The following NHLRC2 variants were observed in gnomAD, a reference collection of about 807,000 sequenced individuals.
NHLRC2 encodes NHL repeat-containing protein 2.
In NHLRC2, 33 loss-of-function variants were observed where a neutral mutation model predicts 68.1. That is an observed-to-expected ratio of 0.48 (90% CI 0.37 to 0.65). The LOEUF is 0.65. Ranked by LOEUF, NHLRC2 falls within the 30% of genes least tolerant of loss-of-function variation. The pLI is 0.00. For missense variants in NHLRC2, 761 were observed against 853.8 expected, an observed-to-expected ratio of 0.89 and a Z score of 1.35; for synonymous variants, 311 against 309.6, an observed-to-expected ratio of 1.00 and a Z score of -0.05.
chr10:113,875,438 G>A (rs1344702517), intron 2 of NHLRC2, among the ~76,000 whole-genome samples: 2 of 152,110 alleles, frequency 1.3e-5, no homozygotes, highest in Non-Finnish European at 2.9e-5. Context: ...CTCCCACACT[G>A]TCCAGGTTAT....
At chr10:113,864,004 G>A (rs769883509) in intron 2 of NHLRC2, among the ~76,000 whole-genome samples, 33 of 152,190 alleles carry the variant, frequency 2.2e-4, no homozygotes, top group Admixed American at 7.9e-4. Flanking sequence ...TTGATGGATC[G>A]TGGGTGAGGA....
In NHLRC2 at chr10:113,903,598, C is replaced by T; in HGVS notation, c.1566C>T (p.Thr522=). 3 of 1,612,442 alleles carry T rather than the reference C, an allele frequency of 1.9e-6. No homozygotes were observed. Among genetic ancestry groups the T allele is most frequent in the Non-Finnish European group, 2.5e-6 (3 of 1,178,734 alleles). The change falls in exon 9 of 11, where the codon ACC becomes ACT. Residue 522 remains threonine, a synonymous_variant. Transcript: ENST00000369301. ...GAACTGGAGACACAAATAATGTTAC[C>T]AGTTCCAGTTTTACAGAGTCAACTT... ...LAGTGDTNNV[T]SSSFTESTFN...
At chr10:113,859,420 G>A (rs1845794835) in intron 2 of NHLRC2, among the ~76,000 whole-genome samples, 1 of 152,102 alleles carries the variant, frequency 6.6e-6, no homozygotes, top group South Asian at 2.1e-4. Context: ...TAGGGTCACC[G>A]ATCCTGTGTT....
intron 2 of NHLRC2, among the ~76,000 whole-genome samples, chr10:113,864,642 A>C (rs1406515902): frequency 6.6e-6 from 1 of 150,528 alleles, no homozygotes; most frequent in African/African-American, 2.4e-5. Flanking sequence ...GATTGCAGTG[A>C]GCTGAGATTG....
chr10:113,902,854 T>G (rs1271394669), intron 8 of NHLRC2, among the ~76,000 whole-genome samples: 1 of 152,238 alleles, frequency 6.6e-6, no homozygotes, highest in African/African-American at 2.4e-5. Context: ...CCATCAAAGC[T>G]GCTTAGTAAC....
intron 2 of NHLRC2, among the ~76,000 whole-genome samples, chr10:113,866,337 G>A (rs1410441585): frequency 6.6e-6 from 1 of 152,126 alleles, no homozygotes; most frequent in Admixed American, 6.5e-5. Context: ...AACTGCAAGT[G>A]ATATTTTACC....
chr10:113,886,327 G>T (rs1846082273), intron 5 of NHLRC2, among the ~76,000 whole-genome samples: 1 of 152,106 alleles, frequency 6.6e-6, no homozygotes, highest in South Asian at 2.1e-4. Flanking sequence ...CCATTATACA[G>T]ATTCAGTGTA....
intron 1 of NHLRC2, among the ~76,000 whole-genome samples, chr10:113,855,550 C>T (rs1406025560): frequency 1.3e-5 from 2 of 152,128 alleles, no homozygotes; most frequent in Non-Finnish European, 2.9e-5. Flanking sequence ...TCACTGCAAC[C>T]TCCGCCTCCC....
intron 5 of NHLRC2, among the ~76,000 whole-genome samples, chr10:113,893,412 C>A (rs945092270): frequency 6.6e-6 from 1 of 152,104 alleles, no homozygotes; most frequent in Non-Finnish European, 1.5e-5. Context: ...AATTATTTAG[C>A]CTCTTTGAAG....
At chr10:113,877,273 A>G (rs185355588) in intron 3 of NHLRC2, among the ~76,000 whole-genome samples, 4 of 149,600 alleles carry the variant, frequency 2.7e-5, no homozygotes, top group African/African-American at 7.4e-5. Flanking sequence ...AAACTGCTGT[A>G]CTTACTGTTT....
chr10:113,871,103 C>A (rs1845920503), intron 2 of NHLRC2, among the ~76,000 whole-genome samples: 2 of 147,148 alleles, frequency 1.4e-5, no homozygotes, highest in South Asian at 4.3e-4. Flanking sequence ...CGGTTCACCG[C>A]AACGTTTGCC....
At chr10:113,890,524 G>T (rs575994762) in intron 5 of NHLRC2, among the ~76,000 whole-genome samples, 1 of 152,146 alleles carries the variant, frequency 6.6e-6, no homozygotes, top group South Asian at 2.1e-4. Context: ...TTATTGTCAA[G>T]AAATTCTCAC....
At chr10:113,882,819 A>C (rs1305825513) in intron 4 of NHLRC2, among the ~76,000 whole-genome samples, 1 of 151,776 alleles carries the variant, frequency 6.6e-6, no homozygotes, top group African/African-American at 2.4e-5. Context: ...TCTTTTAGTT[A>C]TGGCTCTTAT....
chr10:113,872,679 A>G (rs1217021321), intron 2 of NHLRC2, among the ~76,000 whole-genome samples: 6 of 152,082 alleles, frequency 3.9e-5, no homozygotes, highest in Middle Eastern at 3.4e-3. Context: ...ACTAAATTTG[A>G]CCAAGGGACA....
chr10:113,914,030 CT>C lies in NHLRC2; in HGVS notation c.*5498del. The C allele has an allele frequency of 6.6e-6, 1 of 151,784 alleles. No homozygotes were observed. Among genetic ancestry groups the C allele is most frequent in the South Asian group, 2.1e-4 (1 of 4,806 alleles). 9.4% of individuals were successfully genotyped at this position (151,784 alleles called of 1,614,324 possible). ...CCACAATGCCCGGCTAATTTTTGTA[CT>C]TTTAGTAGAAACAGGGTTTCTGTTG... On this transcript the variant is annotated 3_prime_UTR_variant, in exon 11 of 11. Coordinates refer to ENST00000369301, the MANE Select transcript of NHLRC2 (RefSeq NM_198514.4).
intron 3 of NHLRC2, among the ~76,000 whole-genome samples, 172 bp downstream of exon 3, chr10:113,877,148 CCTCTT>C (rs752988499): frequency 2.0e-5 from 3 of 151,772 alleles, no homozygotes; most frequent in Admixed American, 6.6e-5. Flanking sequence ...TCTGAATTAA[CCTCTT>C]CTCACTCCCT....
chr10:113,898,534 C>T lies in NHLRC2; in HGVS notation c.1139+325C>T, dbSNP rs529851795. 4.6e-5 allele frequency among the ~76,000 whole-genome samples: 7 copies of T among 152,316 alleles called. No individual in the cohort carries two copies. The South Asian group carries it at 6.2e-4, about 14-fold the overall frequency. ...AAAATTTCTACTCAGAAGTGACACA[C>T]GTCACTTCTACTTACATTTTATCAG... On this transcript the variant is annotated intron_variant, in intron 6 of 10. Transcript: ENST00000369301.
intron 2 of NHLRC2, among the ~76,000 whole-genome samples, chr10:113,872,024 A>G (rs920134333): frequency 1.3e-5 from 2 of 152,200 alleles, no homozygotes; most frequent in Non-Finnish European, 2.9e-5. Context: ...CAAACAGAAT[A>G]GTCTCCTTAC....
At chr10:113,886,382 A>C (rs924245137) in intron 5 of NHLRC2, among the ~76,000 whole-genome samples, 11 of 152,320 alleles carry the variant, frequency 7.2e-5, no homozygotes, top group African/African-American at 2.6e-4. Context: ...AAATAGAAAA[A>C]AACTATCTTA....
Sources: gnomAD v4.1 joint callset for allele counts (sites outside exome capture counted in the v4.1 genomes callset) on GRCh38, gnomAD v4.1.1 for gene constraint, MANE v1.5 for transcripts, NCBI Gene and HGNC (gene_info 2026-07-23, HGNC 2026-07-21) for gene names.